Variants in ATP13A4 observed in about 807,000 individuals in gnomAD.
ATP13A4 encodes probable cation-transporting ATPase 13A4.
ATP13A4 carries 114 observed loss-of-function variants against 142.5 expected under a neutral mutation model. The ratio of observed to expected loss-of-function variants is 0.80; its 90% CI spans 0.69 to 0.93. ATP13A4 has a LOEUF of 0.93. Among genes scored for constraint, ATP13A4 ranks in the 40% least tolerant of loss-of-function variants. The pLI is 0.00. For synonymous variants in ATP13A4, 488 were observed against 514.8 expected, an observed-to-expected ratio of 0.95 and a Z score of 0.70; for missense variants, 1,392 against 1,454.0, an observed-to-expected ratio of 0.96 and a Z score of 0.69.
chr3:193,452,550 C>T (rs1717340739), intron 17 of ATP13A4, among the ~76,000 whole-genome samples: 1 of 149,456 alleles, frequency 6.7e-6, no homozygotes, highest in Non-Finnish European at 1.5e-5. Context: ...AGTCCTCCCT[C>T]TAGAGGACAT....
intron 1 of ATP13A4, among the ~76,000 whole-genome samples, chr3:193,544,157 T>C (rs1488886766): frequency 6.6e-6 from 1 of 152,186 alleles, no homozygotes; most frequent in African/African-American, 2.4e-5. Context: ...GCTTCTGGAA[T>C]GAGATAGTAA....
intron 8 of ATP13A4, among the ~76,000 whole-genome samples, chr3:193,474,113 T>C (rs997564868): frequency 1.3e-5 from 2 of 149,958 alleles, no homozygotes; most frequent in Non-Finnish European, 3.0e-5. Context: ...AGGTCTGGAG[T>C]TTGAGACCAT....
intron 1 of ATP13A4, among the ~76,000 whole-genome samples, chr3:193,550,637 C>T (rs1723502819): frequency 6.6e-6 from 1 of 152,264 alleles, no homozygotes; most frequent in East Asian, 1.9e-4. Context: ...TGGTGGTAAA[C>T]TCATGAAGCA....
At position 193,441,561 on chromosome 3, in the gene ATP13A4, C is replaced by T. The variant is rs767883243; in HGVS notation, c.2344G>A (p.Val782Ile). 3.7e-6 allele frequency: 6 copies of T among 1,612,926 alleles called. No individual in the cohort carries two copies. Among genetic ancestry groups the T allele is most frequent in the Non-Finnish European group, 5.1e-6 (6 of 1,178,990 alleles). The change falls in exon 20 of 30, where the codon GTC becomes ATC. Residue 782 changes from valine (V) to isoleucine (I), a missense_variant. Coordinates refer to ENST00000342695, the MANE Select transcript of ATP13A4 (RefSeq NM_032279.4). ...CTTCCTTCTCTGCCTTTATCAGAGA[C>T]TTCATCCCTGATGTTAATGTAATTG... ...QDNYINIRDE[V>I]SDKGREGSYH... is the part of the protein sequence containing the mutation.
chr3:193,472,567 ATC>A (rs1718688042), intron 8 of ATP13A4, among the ~76,000 whole-genome samples: 1 of 152,258 alleles, frequency 6.6e-6, no homozygotes, highest in African/African-American at 2.4e-5. Flanking sequence ...CGAATCAACT[ATC>A]TGTGAAGTTG....
At chr3:193,551,221 G>A (rs1368211013) in intron 1 of ATP13A4, among the ~76,000 whole-genome samples, 1 of 152,122 alleles carries the variant, frequency 6.6e-6, no homozygotes, top group Non-Finnish European at 1.5e-5. Context: ...AGACCATCCT[G>A]GCCAACACGG....
chr3:193,561,991 C>A (rs1040942968), intron 2 of ATP13A4, among the ~76,000 whole-genome samples: 1 of 152,198 alleles, frequency 6.6e-6, no homozygotes, highest in Non-Finnish European at 1.5e-5. Flanking sequence ...TTCATCCAGC[C>A]TTTCTCTGGC....
At position 193,573,307 on chromosome 3, in the gene ATP13A4, A is replaced by ATGTATATATATATATATATT. The variant is rs1491575912; in HGVS notation, n.291+8399_291+8400insAATATATATATATATATACA. ...TATATATACACATATATATATATAT[A>ATGTATATATATATATATATT]CATATATATATATATATATAATTTG... On this transcript the variant is annotated intron_variant and non_coding_transcript_variant, in intron 2 of 3. Coordinates refer to the ATP13A4 transcript ENST00000489140. Among the ~76,000 whole-genome samples, 9 of 129,880 alleles carry ATGTATATATATATATATATT rather than the reference A, an allele frequency of 6.9e-5. No homozygotes were observed. In the South Asian group the frequency reaches 2.1e-3, roughly 30 times the overall value. The allele number at this position is 129,880 out of a possible 152,430, so 85.2% of individuals were successfully genotyped here. A position where few individuals can be genotyped will look rare whatever the true frequency, so the allele number is the denominator to read the frequency against.
rs1219003585 is a variant in ATP13A4 at position 193,400,673 on chromosome 3, T to C, written c.*1979A>G. Among the ~76,000 whole-genome samples, 1 of 151,842 alleles carries C rather than the reference T, an allele frequency of 6.6e-6. No homozygotes were observed. The highest frequency in any genetic ancestry group is 1.5e-5 in the Non-Finnish European group (1 of 67,994). On this transcript the variant is annotated 3_prime_UTR_variant, in exon 30 of 30. Coordinates refer to ENST00000342695, the MANE Select transcript of ATP13A4 (RefSeq NM_032279.4). ...TACTGAATCTCAGCTTTCTCATCTG[T>C]ATGGTGGAGATGATAAGCCCTTCCT...
chr3:193,536,388 CTAA>C (rs1166304460), intron 1 of ATP13A4, among the ~76,000 whole-genome samples: 19 of 151,830 alleles, frequency 1.3e-4, no homozygotes, highest in African/African-American at 3.9e-4. Flanking sequence ...TGTTAACAGA[CTAA>C]AGAAGAAAAA....
chr3:193,423,675 C>A (rs370092633), intron 25 of ATP13A4, among the ~76,000 whole-genome samples: 3 of 149,688 alleles, frequency 2.0e-5, no homozygotes, highest in African/African-American at 7.3e-5. Context: ...AAGAAATGCA[C>A]CTCAATGCAA....
At chr3:193,430,278 G>T (rs1386608467) in intron 25 of ATP13A4, among the ~76,000 whole-genome samples, 1 of 152,088 alleles carries the variant, frequency 6.6e-6, no homozygotes, top group East Asian at 1.9e-4. Flanking sequence ...GGGGAACTCT[G>T]CTGACAAAGT....
Position 193,514,767 on chromosome 3 carries a change from T to A in ATP13A4, c.165A>T (p.Ala55=), listed in dbSNP as rs570681516. 674 of 1,614,180 alleles carry A rather than the reference T, an allele frequency of 4.2e-4. 3 individuals carry two copies. The South Asian group carries it at 6.8e-3, about 16-fold the overall frequency. Residue 55 remains alanine, a synonymous_variant, in exon 2 of 30, where the codon GCA becomes GCT. Transcript: ENST00000342695. ...ILPLVFYWRP[A]WHVWAHCVPC... is the part of the protein sequence containing the mutation. ...GGACACAATGTGCCCATACGTGCCA[T>A]GCTGGTCTCCAGTAAAACACCAAGG...
chr3:193,587,368 T>A (rs924430803), intron 1 of ATP13A4, among the ~76,000 whole-genome samples: 29 of 152,242 alleles, frequency 1.9e-4, no homozygotes, highest in Non-Finnish European at 8.8e-5. Context: ...CACTCCAAAC[T>A]CTGCCTGTCT....
intron 17 of ATP13A4, among the ~76,000 whole-genome samples, chr3:193,450,297 G>A (rs1717203742): frequency 6.6e-6 from 1 of 152,116 alleles, no homozygotes; most frequent in Non-Finnish European, 1.5e-5. Context: ...CACCACTCAT[G>A]CGGTGCCCAA....
intron 3 of ATP13A4, among the ~76,000 whole-genome samples, chr3:193,501,005 G>C (rs1188983531): frequency 6.6e-6 from 1 of 152,254 alleles, no homozygotes; most frequent in African/African-American, 2.4e-5. Flanking sequence ...TAACCAAACT[G>C]CCTATGCCGT....
intron 1 of ATP13A4, among the ~76,000 whole-genome samples, chr3:193,546,290 T>G (rs1398994305): frequency 6.6e-6 from 1 of 152,174 alleles, no homozygotes; most frequent in Non-Finnish European, 1.5e-5. Context: ...AGGTCCCTCA[T>G]TCCTCATGAT....
intron 7 of ATP13A4, among the ~76,000 whole-genome samples, chr3:193,487,763 G>T (rs763119295): frequency 5.9e-5 from 9 of 152,094 alleles, no homozygotes; most frequent in African/African-American, 1.9e-4. Flanking sequence ...CATATGTATA[G>T]GTATGTAATA....
At chr3:193,554,645 GATGC>G in intron 1 of ATP13A4, 91 bp downstream of exon 1, 1 of 1,397,214 alleles carries the variant, frequency 7.2e-7, no homozygotes, top group Non-Finnish European at 9.9e-7. Flanking sequence ...GTGTGTGTGT[GATGC>G]GTGCGTGTGT....
Sources: allele counts gnomAD v4.1 joint callset (sites outside exome capture counted in the v4.1 genomes callset), GRCh38; gene constraint gnomAD v4.1.1; transcripts MANE v1.5; gene names NCBI Gene and HGNC (gene_info 2026-07-23, HGNC 2026-07-21).